Variants in CIT observed in about 807,000 individuals in gnomAD.
CIT encodes citron Rho-interacting kinase.
In CIT, 79 loss-of-function variants were observed where a neutral mutation model predicts 272.7. The ratio of observed to expected loss-of-function variants is 0.29; its 90% CI spans 0.24 to 0.35. CIT has a LOEUF of 0.35. CIT is among the 10% of genes least tolerant of loss of function. CIT has a pLI of 1.00. For synonymous variants in CIT, 948 were observed against 995.6 expected (o/e 0.95, Z 0.90); for missense variants, 1,909 against 2,618.3 (o/e 0.73, Z 5.91).
At position 119,814,048 on chromosome 12, in the gene CIT, TTCAACC is replaced by T. The variant is rs1966917296; in HGVS notation, c.1111+8766_1111+8771del. Among the ~76,000 whole-genome samples the T allele has an allele frequency of 2.0e-5, 3 of 152,234 alleles. No individual in the cohort carries two copies. In the South Asian group the frequency reaches 6.2e-4, roughly 31 times the overall value. ...TAACAGGAACTTCCTTGTTTTTACT[TTCAACC>T]CTAACTTTATTTCCCTATCCTCATA... On this transcript the variant is annotated intron_variant, in intron 9 of 47. Coordinates refer to ENST00000392521, the MANE Select transcript of CIT (RefSeq NM_001206999.2).
intron 5 of CIT, among the ~76,000 whole-genome samples, chr12:119,844,905 G>C (rs1258660855): frequency 6.6e-6 from 1 of 152,128 alleles, no homozygotes; most frequent in Non-Finnish European, 1.5e-5. Flanking sequence ...CGGATCATGA[G>C]GTCAGAAGAT....
intron 46 of CIT, among the ~76,000 whole-genome samples, chr12:119,691,051 A>G (rs376849808): frequency 6.6e-6 from 1 of 151,884 alleles, no homozygotes. Flanking sequence ...GTGTGCCTGT[A>G]GTCCCAGCTA....
intron 6 of CIT, 105 bp downstream of exon 6, chr12:119,833,981 C>T (rs1286726599): frequency 5.8e-5 from 69 of 1,187,066 alleles, no homozygotes; most frequent in Admixed American, 2.9e-4. Context: ...CTGGATGGGG[C>T]GTTATCTTGA....
Position 119,718,444 on chromosome 12 carries a change from C to G in CIT, c.4004-35G>C, listed in dbSNP as rs752025630. Reference sequence around the variant, plus strand: ...GACCAGGACAATGCCTTTTGGTTAGCTGGGTCGCCTAGAGGACCAAACTAA... The same window carrying G: ...GACCAGGACAATGCCTTTTGGTTAGGTGGGTCGCCTAGAGGACCAAACTAA... On this transcript the variant is annotated intron_variant, in intron 31 of 47. Transcript: ENST00000392521. The surrounding 1 kb of genome is among the most constrained non-coding windows in gnomAD (Gnocchi z 4.8). The G allele has an allele frequency of 1.5e-5, 24 of 1,578,156 alleles. No individual in the cohort carries two copies. In the South Asian group the frequency reaches 2.7e-4, roughly 18 times the overall value.
chr12:119,755,963 C>T (rs751605827), intron 22 of CIT, among the ~76,000 whole-genome samples: 2 of 152,194 alleles, frequency 1.3e-5, no homozygotes, highest in Non-Finnish European at 2.9e-5. Context: ...GACTAGGTCA[C>T]GGGGCTGTCA....
At chr12:119,696,215 G>A (rs1398851106) in intron 46 of CIT, among the ~76,000 whole-genome samples, 1 of 152,198 alleles carries the variant, frequency 6.6e-6, no homozygotes, top group Admixed American at 6.5e-5. Flanking sequence ...TCTGTGCCCT[G>A]TGGTTAGATT....
At position 119,690,125 on chromosome 12, in the gene CIT, A is replaced by G. The variant is rs745718902; in HGVS notation, c.6186+26T>C. 3.5e-6 allele frequency: 5 copies of G among 1,448,210 alleles called. No homozygotes were observed. In the Admixed American group the frequency reaches 1.4e-4, roughly 39 times the overall value. The allele number at this position is 1,448,210 out of a possible 1,614,324, so 89.7% of individuals were successfully genotyped here. ...GTCACTCCTGGCCTCCGCAACAGAC[A>G]CACAGGCCTCGGAATGCTGCCTCAC... On this transcript the variant is annotated intron_variant, in intron 47 of 47. Transcript: ENST00000392521. The surrounding 1 kb of genome is among the most constrained non-coding windows in gnomAD (Gnocchi z 6.0).
intron 13 of CIT, among the ~76,000 whole-genome samples, chr12:119,780,922 G>A (rs1055315592): frequency 2.0e-5 from 3 of 152,162 alleles, no homozygotes; most frequent in African/African-American, 4.8e-5. Context: ...CATAAAAGAC[G>A]TGTCTTTGAA....
intron 9 of CIT, among the ~76,000 whole-genome samples, chr12:119,808,348 C>T (rs1254058488): frequency 1.3e-5 from 2 of 152,122 alleles, no homozygotes; most frequent in East Asian, 1.9e-4. Flanking sequence ...CAATACCTGG[C>T]TGTCCTTATT....
chr12:119,729,397 AT>A (rs764661129), intron 27 of CIT, among the ~76,000 whole-genome samples: 91 of 152,198 alleles, frequency 6.0e-4, no homozygotes, highest in Non-Finnish European at 1.1e-3. Context: ...TGTTTATCAT[AT>A]TGTTATTTAT....
intron 30 of CIT, among the ~76,000 whole-genome samples, chr12:119,719,331 AG>A (rs1957712711): frequency 6.6e-6 from 1 of 152,112 alleles, no homozygotes; most frequent in Admixed American, 6.6e-5. Flanking sequence ...GGTCAAAACA[AG>A]GGGCTTACTC....
At chr12:119,752,665 T>C (rs1212123767) in intron 22 of CIT, among the ~76,000 whole-genome samples, 2 of 152,202 alleles carry the variant, frequency 1.3e-5, no homozygotes, top group African/African-American at 2.4e-5. Context: ...ACAGACTGAA[T>C]TCTATTTATT....
At chr12:119,865,871 A>G (rs2138374013) in intron 3 of CIT, among the ~76,000 whole-genome samples, 1 of 152,114 alleles carries the variant, frequency 6.6e-6, no homozygotes, top group African/African-American at 2.4e-5. Flanking sequence ...CTCCAAAAAA[A>G]AAAAAAAAAA....
At chr12:119,842,652 A>G (rs1384453674) in intron 5 of CIT, among the ~76,000 whole-genome samples, 1 of 152,180 alleles carries the variant, frequency 6.6e-6, no homozygotes, top group Non-Finnish European at 1.5e-5. Flanking sequence ...AATAAGCCAC[A>G]TTCACTGGCT....
Position 119,690,116 on chromosome 12 carries a change from G to T in CIT, c.6186+35C>A. The T allele has an allele frequency of 6.9e-7, 1 of 1,439,806 alleles. No homozygotes were observed. The allele number at this position is 1,439,806 out of a possible 1,614,324, so 89.2% of individuals were successfully genotyped here. ...GTTCCCCAAGTCACTCCTGGCCTCC[G>T]CAACAGACACACAGGCCTCGGAATG... On this transcript the variant is annotated intron_variant, in intron 47 of 47. Coordinates refer to ENST00000392521, the MANE Select transcript of CIT (RefSeq NM_001206999.2). This position sits in a 1 kb window ranked among gnomAD's most constrained non-coding sequence, Gnocchi z 6.0.
intron 22 of CIT, 120 bp downstream of exon 22, chr12:119,757,251 C>CT: frequency 7.8e-7 from 1 of 1,276,014 alleles, no homozygotes; most frequent in Admixed American, 2.1e-5. Context: ...CTCAAGTCTG[C>CT]CCCCTTAACC....
rs983749711 is a variant in CIT at position 119,728,082 on chromosome 12, A to G, written c.3591+420T>C. On this transcript the variant is annotated intron_variant, in intron 28 of 47. Coordinates refer to ENST00000392521, the MANE Select transcript of CIT (RefSeq NM_001206999.2). The surrounding 1 kb of genome is among the most constrained non-coding windows in gnomAD (Gnocchi z 4.3). ...TTCTGGAAAAGGGAAAACTATGGAG[A>G]CAGCAAAAAGATCAGTGGCTGCCAG... Among the ~76,000 whole-genome samples the G allele has an allele frequency of 1.3e-5, 2 of 152,226 alleles. No homozygotes were observed. The highest frequency in any genetic ancestry group is 4.8e-5 in the African/African-American group (2 of 41,462).
intron 24 of CIT, among the ~76,000 whole-genome samples, chr12:119,737,397 C>T (rs935011780): frequency 7.7e-6 from 1 of 130,450 alleles, no homozygotes; most frequent in African/African-American, 2.8e-5. Context: ...CATGAAAATA[C>T]ATCATTGCCA....
intron 9 of CIT, among the ~76,000 whole-genome samples, chr12:119,807,527 C>T (rs1784313509): frequency 6.6e-6 from 1 of 151,888 alleles, no homozygotes; most frequent in South Asian, 2.1e-4. Flanking sequence ...GATCTTGAGT[C>T]TATGTTGATG....
Sources: allele counts gnomAD v4.1 joint callset (sites outside exome capture counted in the v4.1 genomes callset), GRCh38; gene constraint gnomAD v4.1.1; non-coding constraint Gnocchi (gnomAD v3.1); transcripts MANE v1.5; gene names NCBI Gene and HGNC (gene_info 2026-07-23, HGNC 2026-07-21).